The following CEP112 variants were observed in gnomAD, a reference collection of about 807,000 sequenced individuals.
CEP112 encodes centrosomal protein 112, also known as centrosomal protein of 112 kDa.
Under a neutral mutation model 153.0 loss-of-function variants are expected in CEP112, and 127 were observed. The ratio of observed to expected loss-of-function variants is 0.83; its 90% confidence interval spans 0.72 to 0.96. The LOEUF (loss-of-function observed/expected upper bound fraction) is 0.96, where lower values mean the gene tolerates loss of function less well. Ranked by LOEUF, CEP112 falls within the 40% of genes least tolerant of loss-of-function variation. CEP112 has a pLI of 0.00. For synonymous variants in CEP112, 358 were observed against 374.4 expected (o/e 0.96, Z 0.51); for missense variants, 1,089 against 1,101.2 (o/e 0.99, Z 0.16).
chr17:66,144,336 T>C (rs1008277092), intron 4 of CEP112, among the ~76,000 whole-genome samples: 1 of 152,204 alleles, frequency 6.6e-6, no homozygotes, highest in African/African-American at 2.4e-5. Flanking sequence ...TGTACATGTT[T>C]ATGTCTCGCT....
chr17:65,831,569 AAAG>A (rs1181200911), intron 21 of CEP112, among the ~76,000 whole-genome samples: 1 of 151,984 alleles, frequency 6.6e-6, no homozygotes, highest in Non-Finnish European at 1.5e-5. Context: ...AAAAAAAAAA[AAAG>A]AACAAATTTC....
intron 21 of CEP112, among the ~76,000 whole-genome samples, chr17:65,810,238 A>T (rs1209158248): frequency 6.6e-6 from 1 of 152,192 alleles, no homozygotes; most frequent in Non-Finnish European, 1.5e-5. Flanking sequence ...TGAGATTTGG[A>T]TTGCAACAGA....
intron 12 of CEP112, among the ~76,000 whole-genome samples, chr17:66,047,116 T>C (rs2066244569): frequency 6.7e-6 from 1 of 149,232 alleles, no homozygotes; most frequent in South Asian, 2.1e-4. Flanking sequence ...TCATTTTTAT[T>C]TTATTTATTT....
intron 18 of CEP112, among the ~76,000 whole-genome samples, chr17:65,956,395 T>TATACATAC (rs1168433389): frequency 6.7e-6 from 1 of 149,522 alleles, no homozygotes; most frequent in African/African-American, 2.5e-5. Flanking sequence ...TTATGATATA[T>TATACATAC]ATACATACAT....
intron 23 of CEP112, among the ~76,000 whole-genome samples, chr17:65,724,207 T>C (rs1315302895): frequency 6.6e-6 from 1 of 152,190 alleles, no homozygotes; most frequent in Non-Finnish European, 1.5e-5. Context: ...TAGCCTCCCA[T>C]TGACAACTCG....
chr17:65,903,774 T>C (rs1332533474), intron 19 of CEP112, among the ~76,000 whole-genome samples: 1 of 152,176 alleles, frequency 6.6e-6, no homozygotes, highest in Non-Finnish European at 1.5e-5. Context: ...CATGATCAAG[T>C]CGGCTTCATC....
intron 11 of CEP112, among the ~76,000 whole-genome samples, chr17:66,059,500 C>T (rs1415269112): frequency 1.3e-5 from 2 of 152,066 alleles, no homozygotes; most frequent in Non-Finnish European, 2.9e-5. Context: ...CATGAACAAA[C>T]AATTCTCAAA....
At chr17:65,670,924 G>A (rs1485795471) in intron 24 of CEP112, among the ~76,000 whole-genome samples, 1 of 151,834 alleles carries the variant, frequency 6.6e-6, no homozygotes, top group Non-Finnish European at 1.5e-5. Flanking sequence ...CCAAGACTAA[G>A]CTCAGTACAG....
intron 1 of CEP112, among the ~76,000 whole-genome samples, chr17:66,184,806 T>A (rs2072861521): frequency 6.6e-6 from 1 of 152,104 alleles, no homozygotes. Context: ...TGATTTTTTT[T>A]AAATAACCAC....
rs113158822 is a variant in CEP112, at chr17:65,848,635, A to T, written c.2394+3169T>A. 1.6e-3 allele frequency among the ~76,000 whole-genome samples: 243 copies of T among 151,966 alleles called. 1 individual carries two copies. Among genetic ancestry groups the T allele is most frequent in the African/African-American group, 5.6e-3 (233 of 41,448 alleles). ...CAGGCCTTCTCTGTGGGTGATTCCC[A>T]CAGCTGTTTGTCTCCAATCCTGCCT... On this transcript the variant is annotated intron_variant, in intron 21 of 26. Transcript: ENST00000535342.
intron 11 of CEP112, among the ~76,000 whole-genome samples, chr17:66,061,802 G>C (rs1378793462): frequency 6.6e-6 from 1 of 152,052 alleles, no homozygotes; most frequent in African/African-American, 2.4e-5. Context: ...GGAGGAAAGG[G>C]GACAGAGAGA....
intron 17 of CEP112, among the ~76,000 whole-genome samples, chr17:65,999,554 C>T (rs1203178156): frequency 7.6e-6 from 1 of 131,804 alleles, no homozygotes; most frequent in Non-Finnish European, 1.7e-5. Context: ...GTGATATAAT[C>T]CTGAAAGCAT....
chr17:66,121,854 T>G (rs1225049631), intron 6 of CEP112, among the ~76,000 whole-genome samples: 1 of 152,084 alleles, frequency 6.6e-6, no homozygotes, highest in Non-Finnish European at 1.5e-5. Context: ...TGATATTCTG[T>G]ATTTGATGTG....
intron 5 of CEP112, among the ~76,000 whole-genome samples, chr17:66,132,273 A>T (rs778456830): frequency 6.6e-6 from 1 of 151,444 alleles, no homozygotes; most frequent in Non-Finnish European, 1.5e-5. Context: ...TGCAAGACAG[A>T]CATTCTTATT....
At chr17:65,656,360 G>T (rs2046064774) in intron 24 of CEP112, among the ~76,000 whole-genome samples, 1 of 152,180 alleles carries the variant, frequency 6.6e-6, no homozygotes, top group Non-Finnish European at 1.5e-5. Context: ...CCTAGAGTTA[G>T]CCCTGTCTTT....
Position 66,116,952 on chromosome 17 carries a change from C to T in CEP112, c.642+12794G>A, listed in dbSNP as rs376983414. Among the ~76,000 whole-genome samples, 35 of 151,156 alleles carry T rather than the reference C, an allele frequency of 2.3e-4. No individual in the cohort carries two copies. The East Asian group carries it at 5.3e-3, about 23-fold the overall frequency. The stretch of plus-strand genomic sequence containing the variant: ...TGCGATCTCGGCTCACTGCAACCTC[C>T]GCCTCCTGGGTTCAAGCAATTCTCC... On this transcript the variant is annotated intron_variant, in intron 6 of 26. Coordinates refer to ENST00000535342, the MANE Select transcript of CEP112 (RefSeq NM_001199165.4).
At chr17:65,977,650 G>C (rs2063085143) in intron 17 of CEP112, among the ~76,000 whole-genome samples, 1 of 152,158 alleles carries the variant, frequency 6.6e-6, no homozygotes, top group Non-Finnish European at 1.5e-5. Context: ...GGTTAAGTGA[G>C]GAATAAGTGG....
chr17:65,866,104 C>A (rs1435490419), intron 20 of CEP112, among the ~76,000 whole-genome samples: 1 of 152,148 alleles, frequency 6.6e-6, no homozygotes, highest in Non-Finnish European at 1.5e-5. Flanking sequence ...CAGCCACGTA[C>A]CCAGGCATCT....
Position 66,029,907 on chromosome 17 carries a change from G to C in CEP112, c.1335C>G (p.Tyr445Ter), listed in dbSNP as rs767882363. The change falls in exon 13 of 27, where the codon TAC becomes TAG. Residue 445 changes from tyrosine (Y) to a stop codon, truncating the protein, a stop_gained. Coordinates refer to ENST00000535342, the MANE Select transcript of CEP112 (RefSeq NM_001199165.4). LOFTEE classifies it high-confidence loss of function. ...CTTGTAATTCACTACACGTTATCTG[G>C]TAACATCTTTCAAGTTCTGCTTTTT... ...IQEKAELERC[Y>*]QITCSELQEV... The C allele has an allele frequency of 2.0e-5, 32 of 1,613,466 alleles. No individual in the cohort carries two copies. The highest frequency in any genetic ancestry group is 5.0e-5 in the Admixed American group (3 of 59,956).
Sources: allele counts gnomAD v4.1 joint callset (sites outside exome capture counted in the v4.1 genomes callset), GRCh38; gene constraint gnomAD v4.1.1; transcripts MANE v1.5; gene names NCBI Gene and HGNC (gene_info 2026-07-23, HGNC 2026-07-21).